The following B3GAT1 variants were observed in gnomAD, a reference collection of about 807,000 sequenced individuals.
The protein encoded by B3GAT1 is beta-1,3-glucuronyltransferase 1.
In B3GAT1, 11 loss-of-function variants were observed where a neutral mutation model predicts 28.4. That is an observed-to-expected ratio of 0.39 (90% confidence interval 0.24 to 0.64). The LOEUF (loss-of-function observed/expected upper bound fraction) is 0.64, where lower values mean the gene tolerates loss of function less well. Among genes scored for constraint, B3GAT1 ranks in the 30% least tolerant of loss-of-function variants. The pLI is 0.50. For missense variants in B3GAT1, 375 were observed against 491.0 expected (o/e 0.76, Z 2.23); for synonymous variants, 255 against 223.1 (o/e 1.14, Z -1.27).
intron 1 of B3GAT1, chr11:134,409,577 G>C (rs1944810056): frequency 6.6e-6 from 1 of 152,306 alleles, no homozygotes; most frequent in Admixed American, 6.5e-5. Context: ...TCACATTCCT[G>C]AGAGCCACAG....
At position 134,382,702 on chromosome 11, in the gene B3GAT1, G is replaced by A. The variant is rs754260857; in HGVS notation, c.918+8C>T. 8.7e-6 allele frequency: 14 copies of A among 1,609,878 alleles called. No homozygotes were observed. In the African/African-American group the frequency reaches 1.7e-4, roughly 20 times the overall value. On this transcript the variant is annotated splice_region_variant and intron_variant, in intron 4 of 5. Transcript: ENST00000312527. ...CATCACAGCTGTCAGTTCTGCGGAG[G>A]GTCTCACCTTGGTGCAGTTGGCTGC...
At chr11:134,388,443 T>C (rs1944343562) in intron 1 of B3GAT1, 1 of 157,688 alleles carries the variant, frequency 6.3e-6, no homozygotes, top group African/African-American at 2.4e-5. Flanking sequence ...TTTTTAACCA[T>C]ATATGGACCA....
chr11:134,398,198 A>G (rs1944540968), intron 1 of B3GAT1, among the ~76,000 whole-genome samples: 1 of 152,076 alleles, frequency 6.6e-6, no homozygotes, highest in Non-Finnish European at 1.5e-5. Flanking sequence ...CATGGCCGGC[A>G]CCCCGTGAGT....
At chr11:134,402,649 A>G (rs1439678404) in intron 1 of B3GAT1, among the ~76,000 whole-genome samples, 1 of 152,184 alleles carries the variant, frequency 6.6e-6, no homozygotes, top group African/African-American at 2.4e-5. Context: ...ACAGTGACTC[A>G]TGCCTGTAAC....
chr11:134,393,373 C>A lies in B3GAT1; in HGVS notation c.-281-5433G>T, dbSNP rs749570192. Among the ~76,000 whole-genome samples, 1 of 152,216 alleles carries A rather than the reference C, an allele frequency of 6.6e-6. No homozygotes were observed. Among genetic ancestry groups the A allele is most frequent in the Non-Finnish European group, 1.5e-5 (1 of 68,052 alleles). On this transcript the variant is annotated intron_variant, in intron 1 of 5. Coordinates refer to ENST00000312527, the MANE Select transcript of B3GAT1 (RefSeq NM_054025.3). This position sits in a 1 kb window ranked among gnomAD's most constrained non-coding sequence, Gnocchi z 4.0. ...GACCCATCCTTGCTGGCTCTCAGCACTTCCGCTCAGCCGACACGGGGTCAG... is the reference window on the plus strand; with the variant it reads ...GACCCATCCTTGCTGGCTCTCAGCAATTCCGCTCAGCCGACACGGGGTCAG...
intron 1 of B3GAT1, among the ~76,000 whole-genome samples, chr11:134,406,566 T>C (rs982275120): frequency 9.9e-5 from 15 of 151,812 alleles, no homozygotes; most frequent in Non-Finnish European, 1.5e-4. Flanking sequence ...CCTGGCAGAG[T>C]GGGCTTTTCA....
rs1390549779 is a variant in B3GAT1 at position 134,393,055 on chromosome 11, T to G, written c.-281-5115A>C. Among the ~76,000 whole-genome samples the G allele has an allele frequency of 6.6e-6, 1 of 152,140 alleles. No homozygotes were observed. Among genetic ancestry groups the G allele is most frequent in the Non-Finnish European group, 1.5e-5 (1 of 68,030 alleles). On this transcript the variant is annotated intron_variant, in intron 1 of 5. Coordinates refer to ENST00000312527, the MANE Select transcript of B3GAT1 (RefSeq NM_054025.3). The surrounding 1 kb of genome is among the most constrained non-coding windows in gnomAD (Gnocchi z 4.0). ...ACAGCTCGCTCCAGTGCAGGTGACG[T>G]GTGAACGCAAAATGTTCCCAAAGGC...
chr11:134,399,450 G>C (rs898449138), intron 1 of B3GAT1, among the ~76,000 whole-genome samples: 1 of 152,224 alleles, frequency 6.6e-6, no homozygotes, highest in Non-Finnish European at 1.5e-5. Context: ...ACCACAGGGC[G>C]CCTGCTCAGT....
In B3GAT1 at chr11:134,383,592, C is replaced by T. The variant is rs1421078592; in HGVS notation, c.621+88G>A. ...CGGCTTCCCGGGTTCCCCCTGCGCGCGCCTCCGCACCCACACCCCCTTCTC... is the reference window on the plus strand; with the variant it reads ...CGGCTTCCCGGGTTCCCCCTGCGCGTGCCTCCGCACCCACACCCCCTTCTC... On this transcript the variant is annotated intron_variant, in intron 3 of 5. Coordinates refer to ENST00000312527, the MANE Select transcript of B3GAT1 (RefSeq NM_054025.3). The T allele has an allele frequency of 7.7e-6, 11 of 1,424,058 alleles. No individual in the cohort carries two copies. The South Asian group carries it at 1.5e-4, about 19-fold the overall frequency. 88.2% of individuals were successfully genotyped at this position (1,424,058 alleles called of 1,614,324 possible).
chr11:134,386,781 C>T (rs377140354), intron 2 of B3GAT1: 1 of 152,278 alleles, frequency 6.6e-6, no homozygotes, highest in East Asian at 1.9e-4. Context: ...GCGTGTCTTT[C>T]TGTGTATGTG....
intron 1 of B3GAT1, chr11:134,389,791 A>G (rs1944370579): frequency 1.3e-5 from 2 of 152,306 alleles, no homozygotes; most frequent in Non-Finnish European, 2.9e-5. Flanking sequence ...GCTATGGCCG[A>G]GGAGGGTTTT....
chr11:134,384,010 C>A lies in B3GAT1; in HGVS notation c.291G>T (p.Val97=). The A allele has an allele frequency of 6.2e-7, 1 of 1,605,238 alleles. No homozygotes were observed. Among genetic ancestry groups the A allele is most frequent in the Non-Finnish European group, 8.5e-7 (1 of 1,179,068 alleles). ...CCATGCGCGTCAGCTCGGCCTTCTGCACCGGGCGGCTGTAGGTGGGCGTCA... is the reference window on the plus strand; with the variant it reads ...CCATGCGCGTCAGCTCGGCCTTCTGAACCGGGCGGCTGTAGGTGGGCGTCA... ...HVVTPTYSRP[V]QKAELTRMAN... The change falls in exon 3 of 6, where the codon GTG becomes GTT. Residue 97 remains valine, a synonymous_variant. Coordinates refer to ENST00000312527, the MANE Select transcript of B3GAT1 (RefSeq NM_054025.3).
At chr11:134,405,248 C>A (rs1217957622) in intron 1 of B3GAT1, among the ~76,000 whole-genome samples, 1 of 152,154 alleles carries the variant, frequency 6.6e-6, no homozygotes, top group Non-Finnish European at 1.5e-5. Context: ...GTGGTGACCT[C>A]CTTAGGCTTC....
At chr11:134,381,632 TGTG>T in intron 5 of B3GAT1, 1 of 362,890 alleles carries the variant, frequency 2.8e-6, no homozygotes, top group Non-Finnish European at 5.1e-6. Context: ...GGCAGTGCCT[TGTG>T]GGGTGCAGGC....
intron 1 of B3GAT1, among the ~76,000 whole-genome samples, chr11:134,408,900 G>T (rs1944792564): frequency 2.5e-5 from 3 of 120,538 alleles, no homozygotes; most frequent in South Asian, 2.5e-4. Flanking sequence ...CCAGTGGGGT[G>T]AGGAGGGAGG....
chr11:134,406,684 T>C (rs946407700), intron 1 of B3GAT1, among the ~76,000 whole-genome samples: 1 of 152,240 alleles, frequency 6.6e-6, no homozygotes, highest in Non-Finnish European at 1.5e-5. Flanking sequence ...GTGATTAGCA[T>C]GATTAACTGT....
chr11:134,405,446 G>T (rs555742213), intron 1 of B3GAT1, among the ~76,000 whole-genome samples: 1 of 152,210 alleles, frequency 6.6e-6, no homozygotes, highest in East Asian at 1.9e-4. Context: ...AGCAATTCAC[G>T]GGTTTCATTA....
Position 134,411,235 on chromosome 11 carries a change from G to T in B3GAT1, c.-282+572C>A, listed in dbSNP as rs530130697. On this transcript the variant is annotated intron_variant, in intron 1 of 5. Coordinates refer to ENST00000312527, the MANE Select transcript of B3GAT1 (RefSeq NM_054025.3). The surrounding 1 kb of genome is among the most constrained non-coding windows in gnomAD (Gnocchi z 6.0). Reference sequence around the variant, plus strand: ...ACCTGAGCCCAGGTGCAGATGGGAGGGTGGTGAACTGGTCGCGCCTCCTTC... The same window carrying T: ...ACCTGAGCCCAGGTGCAGATGGGAGTGTGGTGAACTGGTCGCGCCTCCTTC... 2.6e-5 allele frequency among the ~76,000 whole-genome samples: 4 copies of T among 152,164 alleles called. No homozygotes were observed. The highest frequency in any genetic ancestry group is 9.7e-5 in the African/African-American group (4 of 41,434).
intron 1 of B3GAT1, among the ~76,000 whole-genome samples, chr11:134,402,426 C>T (rs1187720080): frequency 6.6e-6 from 1 of 152,100 alleles, no homozygotes; most frequent in Non-Finnish European, 1.5e-5. Context: ...GGCCAGCGAG[C>T]CCTGGGCACT....
Sources: allele counts gnomAD v4.1 joint callset (sites outside exome capture counted in the v4.1 genomes callset), GRCh38; gene constraint gnomAD v4.1.1; non-coding constraint Gnocchi (gnomAD v3.1); transcripts MANE v1.5; gene names NCBI Gene and HGNC (gene_info 2026-07-23, HGNC 2026-07-21).